ATXN2L: variants seen among roughly 807,000 people sequenced by gnomAD.
The protein encoded by ATXN2L is ataxin-2-like protein.
ATXN2L carries 24 observed loss-of-function variants against 120.7 expected under a neutral mutation model. The ratio of observed to expected loss-of-function variants is 0.20; its 90% confidence interval spans 0.14 to 0.28. The LOEUF (loss-of-function observed/expected upper bound fraction) is 0.28. Among genes scored for constraint, ATXN2L ranks in the 10% least tolerant of loss-of-function variants. The pLI, the probability that ATXN2L is intolerant of heterozygous loss-of-function variation, is 1.00. For synonymous variants in ATXN2L, 653 were observed against 568.1 expected (o/e 1.15, Z -2.13); for missense variants, 1,312 against 1,432.3 (o/e 0.92, Z 1.36).
intron 1 of ATXN2L, chr16:28,823,799 G>A (rs2050505635): frequency 2.5e-6 from 1 of 405,604 alleles, no homozygotes; most frequent in East Asian, 3.8e-5. Context: ...TCGCAGCCCC[G>A]GCCTTCAGGG....
At position 28,829,387 on chromosome 16, in the gene ATXN2L, T is replaced by A. The variant is rs774345580; in HGVS notation, c.742-14T>A. ...TTCCTGCTGGGTTTTAAAACCACCT[T>A]CCTCCCTCCCCAGTCCAATGGATGG... is the stretch of plus-strand genomic sequence containing the variant. On this transcript the variant is annotated splice_polypyrimidine_tract_variant and intron_variant, in intron 6 of 21. Coordinates refer to ENST00000336783, the MANE Select transcript of ATXN2L (RefSeq NM_007245.4). The A allele has an allele frequency of 8.8e-6, 14 of 1,595,910 alleles. No individual in the cohort carries two copies. In the Admixed American group the frequency reaches 2.3e-4, roughly 27 times the overall value.
At chr16:28,827,110 T>C (rs1167454373) in intron 6 of ATXN2L, 124 bp downstream of exon 6, 3 of 1,013,648 alleles carry the variant, frequency 3.0e-6, no homozygotes. Context: ...AGATAACAAA[T>C]AGAAAGGTAT....
At chr16:28,833,773 A>G (rs2055430616) in intron 15 of ATXN2L, 1 of 609,014 alleles carries the variant, frequency 1.6e-6, no homozygotes, top group Non-Finnish European at 2.9e-6. Flanking sequence ...GGTTCTTGGC[A>G]TTTGGCTGAG....
intron 10 of ATXN2L, 38 bp from the exon 11 acceptor site, chr16:28,832,167 C>G (rs758138828): frequency 1.9e-6 from 3 of 1,609,776 alleles, no homozygotes; most frequent in Non-Finnish European, 2.5e-6. Context: ...TGCTGTTGAC[C>G]AGCAGTAACC....
In ATXN2L at chr16:28,836,704, C is replaced by G. The variant is rs750252421; in HGVS notation, c.*439C>G. ...CTGCTTGGGTTCTAATGCTCCTGCTCTCTTCTCTTTCCCCTCCAACCAGTT... is the reference window on the plus strand; with the variant it reads ...CTGCTTGGGTTCTAATGCTCCTGCTGTCTTCTCTTTCCCCTCCAACCAGTT... On this transcript the variant is annotated 3_prime_UTR_variant, in exon 22 of 22. Transcript: ENST00000336783. The G allele has an allele frequency of 1.2e-6, 2 of 1,613,852 alleles. No homozygotes were observed. Among genetic ancestry groups the G allele is most frequent in the Non-Finnish European group, 8.5e-7 (1 of 1,179,994 alleles).
In ATXN2L at chr16:28,830,075, G is replaced by T. The variant is rs182808173; in HGVS notation, c.1034+17G>T. 132 of 1,602,190 alleles carry T rather than the reference G, an allele frequency of 8.2e-5. 1 individual carries two copies. In the East Asian group the frequency reaches 2.4e-3, roughly 29 times the overall value. On this transcript the variant is annotated intron_variant, in intron 8 of 21. Transcript: ENST00000336783. ...GGCATCCAGGTGACTGTTGCAAACA[G>T]CCAGGACTACTTGGGGCTTCTGGGA...
chr16:28,837,132 A>G lies in ATXN2L; in HGVS notation c.*867A>G. On this transcript the variant is annotated 3_prime_UTR_variant, in exon 22 of 22. Transcript: ENST00000336783. Reference sequence around the variant, plus strand: ...CATTAACTTGAGTGACCTGTGTGAGAGACAGACAGATGCCCCACGAGGATG... The same window carrying G: ...CATTAACTTGAGTGACCTGTGTGAGGGACAGACAGATGCCCCACGAGGATG... 2.5e-6 allele frequency: 1 copy of G among 396,678 alleles called. No individual in the cohort carries two copies. Among genetic ancestry groups the G allele is most frequent in the South Asian group, 2.1e-5 (1 of 47,256 alleles). 24.6% of individuals were successfully genotyped at this position (396,678 alleles called of 1,614,324 possible).
chr16:28,836,965 T>TG lies in ATXN2L; in HGVS notation c.*706dup, dbSNP rs35845834. On this transcript the variant is annotated 3_prime_UTR_variant, in exon 22 of 22. Coordinates refer to ENST00000336783, the MANE Select transcript of ATXN2L (RefSeq NM_007245.4). ...GGGCAGGGCCAGGGTCCAGCAGGGGTGGGGGGTTCCTGCTCTGCCCCTGCC... is the reference window on the plus strand; with the variant it reads ...GGGCAGGGCCAGGGTCCAGCAGGGGTGGGGGGGTTCCTGCTCTGCCCCTGCC... 7.2e-6 allele frequency: 5 copies of TG among 694,074 alleles called. No homozygotes were observed. Among genetic ancestry groups the TG allele is most frequent in the South Asian group, 6.7e-5 (4 of 60,014 alleles). 43.0% of individuals were successfully genotyped at this position (694,074 alleles called of 1,614,324 possible).
intron 1 of ATXN2L, 134 bp downstream of exon 1, chr16:28,823,692 G>T: frequency 1.1e-6 from 1 of 950,134 alleles, no homozygotes; most frequent in Non-Finnish European, 1.4e-6. Context: ...GCTGGGGGAG[G>T]GCCCCCTCAG....
Position 28,823,214 on chromosome 16 carries a change from C to T in ATXN2L, c.-46C>T. 1 of 1,284,426 alleles carries T rather than the reference C, an allele frequency of 7.8e-7. No individual in the cohort carries two copies. Among genetic ancestry groups the T allele is most frequent in the Non-Finnish European group, 1.0e-6 (1 of 998,860 alleles). 79.6% of individuals were successfully genotyped at this position (1,284,426 alleles called of 1,614,324 possible). A position where few individuals can be genotyped will look rare whatever the true frequency, so the allele number is the denominator to read the frequency against. ...CCAGCGGGGCCCCAGCCCCGGCCCC[C>T]TCTCTCCCTCCCTTCTCTCTAATTC... is the stretch of plus-strand genomic sequence containing the variant. On this transcript the variant is annotated 5_prime_UTR_variant, in exon 1 of 22. Transcript: ENST00000336783.
chr16:28,834,954 G>GT (rs1959677715), intron 18 of ATXN2L, 104 bp from the exon 19 acceptor site: 1 of 1,430,062 alleles, frequency 7.0e-7, no homozygotes, highest in South Asian at 1.3e-5. Context: ...AATCAATAGG[G>GT]TGATTGTGAG....
Position 28,823,193 on chromosome 16 carries a change from C to T in ATXN2L, c.-67C>T. ...CCCCCTCGCTTCCCGCGCTCTCCAG[C>T]GGGGCCCCAGCCCCGGCCCCCTCTC... On this transcript the variant is annotated 5_prime_UTR_variant, in exon 1 of 22. Coordinates refer to ENST00000336783, the MANE Select transcript of ATXN2L (RefSeq NM_007245.4). 1.7e-6 allele frequency: 2 copies of T among 1,148,088 alleles called. No individual in the cohort carries two copies. The highest frequency in any genetic ancestry group is 2.6e-5 in the South Asian group (1 of 38,140). The allele number at this position is 1,148,088 out of a possible 1,614,324, so 71.1% of individuals were successfully genotyped here. A position where few individuals can be genotyped will look rare whatever the true frequency, so the allele number is the denominator to read the frequency against.
At chr16:28,835,421 G>A (rs373901227) in intron 20 of ATXN2L, 22 bp downstream of exon 20, 40 of 1,612,030 alleles carry the variant, frequency 2.5e-5, no homozygotes, top group Non-Finnish European at 3.2e-5. Flanking sequence ...GGGGGGTGCT[G>A]AGTGGTCCTG....
chr16:28,823,859 G>C (rs939789084), intron 1 of ATXN2L: 1 of 329,774 alleles, frequency 3.0e-6, no homozygotes, highest in Non-Finnish European at 5.4e-6. Context: ...GTTGGGGGGG[G>C]GCAAGGAGCT....
intron 1 of ATXN2L, 115 bp from the exon 2 acceptor site, chr16:28,825,251 T>A (rs2051422178): frequency 3.0e-6 from 3 of 996,194 alleles, no homozygotes; most frequent in South Asian, 2.9e-5. Flanking sequence ...ATTAACAATT[T>A]TGTAGTCTAA....
rs766795333 is a variant in ATXN2L at position 28,834,354 on chromosome 16, G to A, written c.2184G>A (p.Met728Ile). 39 of 1,613,888 alleles carry A rather than the reference G, an allele frequency of 2.4e-5. No individual in the cohort carries two copies. Among genetic ancestry groups the A allele is most frequent in the Non-Finnish European group, 3.0e-5 (35 of 1,179,870 alleles). The change falls in exon 17 of 22, where the codon ATG (methionine) becomes ATA (isoleucine). Residue 728 changes from methionine (M) to isoleucine (I), a missense_variant. Met to Ile is a conservative substitution (Grantham distance 10). Coordinates refer to ENST00000336783, the MANE Select transcript of ATXN2L (RefSeq NM_007245.4). ...HMGPAVQAPQ[M>I]YPYPVSNSVP... ...GTCCTCATCCCCAGGCACCTCAGAT[G>A]TATCCATATCCTGTATCCAATTCAG...
intron 6 of ATXN2L, among the ~76,000 whole-genome samples, chr16:28,827,428 G>A (rs1019978254): frequency 1.3e-5 from 2 of 151,902 alleles, no homozygotes; most frequent in African/African-American, 4.8e-5. Flanking sequence ...CGTGTCACAC[G>A]CAACAAAACC....
chr16:28,828,780 A>T (rs1343329824), intron 6 of ATXN2L, among the ~76,000 whole-genome samples: 1 of 151,588 alleles, frequency 6.6e-6, no homozygotes, highest in Non-Finnish European at 1.5e-5. Context: ...ACAGGGTCTC[A>T]CTCTGTCACT....
At chr16:28,825,731 T>C (rs1346764329) in intron 3 of ATXN2L, 39 bp from the exon 4 acceptor site, 14 of 1,613,254 alleles carry the variant, frequency 8.7e-6, no homozygotes, top group Admixed American at 1.7e-5. Context: ...ATGCATCTAC[T>C]TTCTGGAGAC....
Sources: allele counts gnomAD v4.1 joint callset (sites outside exome capture counted in the v4.1 genomes callset), GRCh38; gene constraint gnomAD v4.1.1; transcripts MANE v1.5; gene names NCBI Gene and HGNC (gene_info 2026-07-23, HGNC 2026-07-21).